The following EXTL3 variants were observed in gnomAD, a reference collection of about 807,000 sequenced individuals.
The protein encoded by EXTL3 is exostosin like glycosyltransferase 3, also known as exostosin-like 3.
Under a neutral mutation model 69.3 loss-of-function variants are expected in EXTL3, and 27 were observed. The ratio of observed to expected loss-of-function variants is 0.39; its 90% CI spans 0.29 to 0.54. The LOEUF is 0.54. Among genes scored for constraint, EXTL3 ranks in the 20% least tolerant of loss-of-function variants. The pLI is 0.69. For missense variants in EXTL3, 1,003 were observed against 1,231.8 expected (o/e 0.81, Z 2.78); for synonymous variants, 511 against 499.4 (o/e 1.02, Z -0.31).
intron 1 of EXTL3, among the ~76,000 whole-genome samples, chr8:28,668,442 C>T (rs1807233784): frequency 1.3e-5 from 2 of 150,592 alleles, no homozygotes; most frequent in African/African-American, 2.5e-5. Flanking sequence ...AGCAATTCTC[C>T]TGCCTCAGCC....
chr8:28,643,398 C>G (rs1026463934), intron 1 of EXTL3, among the ~76,000 whole-genome samples: 1 of 149,072 alleles, frequency 6.7e-6, no homozygotes, highest in Non-Finnish European at 1.5e-5. Flanking sequence ...ACCTATCATT[C>G]TCCTGCTTTC....
upstream of EXTL3, chr8:28,622,586 G>A (rs1298433519): frequency 1.4e-5 from 2 of 147,706 alleles, no homozygotes; most frequent in Non-Finnish European, 3.0e-5. Context: ...GCGGGGCCGG[G>A]AGCCGCCGAG....
chr8:28,735,222 G>A (rs1364858151), intron 4 of EXTL3, among the ~76,000 whole-genome samples: 1 of 152,184 alleles, frequency 6.6e-6, no homozygotes, highest in Non-Finnish European at 1.5e-5. Flanking sequence ...GGGCGGTAGG[G>A]AGTGTGTTTA....
chr8:28,733,630 C>T (rs189873897), intron 4 of EXTL3, among the ~76,000 whole-genome samples: 1 of 149,490 alleles, frequency 6.7e-6, no homozygotes, highest in Admixed American at 6.7e-5. Context: ...CTCCTGGCCT[C>T]GAGCAAGCCT....
chr8:28,679,610 C>G (rs1442091883), intron 1 of EXTL3, among the ~76,000 whole-genome samples: 1 of 151,916 alleles, frequency 6.6e-6, no homozygotes, highest in Non-Finnish European at 1.5e-5. Flanking sequence ...GTGAGGCACT[C>G]ATGTAGTCCC....
intron 1 of EXTL3, among the ~76,000 whole-genome samples, chr8:28,641,600 C>T (rs375871351): frequency 1.3e-5 from 2 of 151,962 alleles, no homozygotes; most frequent in African/African-American, 4.8e-5. Flanking sequence ...CCTCAGCCTC[C>T]GGAGTAGCTG....
At position 28,717,572 on chromosome 8, in the gene EXTL3, C is replaced by T. The variant is rs771639784; in HGVS notation, c.1513C>T (p.Leu505Phe). Reference sequence around the variant, plus strand: ...GCTCAGAAGCCTCTCCGATAGTGACCTCCTGGCTATGAGGCGGCAAGGCCG... The same window carrying T: ...GCTCAGAAGCCTCTCCGATAGTGACTTCCTGGCTATGAGGCGGCAAGGCCG... ...FLLRSLSDSD[L>F]LAMRRQGRFL... is the part of the protein sequence containing the mutation. Residue 505 changes from leucine (L) to phenylalanine (F), a missense_variant, in exon 3 of 7, where the codon CTC becomes TTC. By Grantham distance (22) the Leu-to-Phe change is conservative. This residue lies in a region of EXTL3 where 742 missense variants were observed against 815.4 expected (regional missense o/e 0.91). Transcript: ENST00000220562. The surrounding 1 kb of genome is among the most constrained non-coding windows in gnomAD (Gnocchi z 8.3). 8 of 1,614,144 alleles carry T rather than the reference C, an allele frequency of 5.0e-6. No individual in the cohort carries two copies. In the Admixed American group the frequency reaches 8.3e-5, roughly 17 times the overall value.
intron 1 of EXTL3, among the ~76,000 whole-genome samples, chr8:28,681,122 C>T (rs1157259385): frequency 6.6e-6 from 1 of 151,972 alleles, no homozygotes; most frequent in African/African-American, 2.4e-5. Flanking sequence ...GATCCGCCCA[C>T]CTCGGCCTCC....
chr8:28,667,479 G>C (rs1051704439), intron 1 of EXTL3, among the ~76,000 whole-genome samples: 3 of 152,186 alleles, frequency 2.0e-5, no homozygotes, highest in Non-Finnish European at 4.4e-5. Flanking sequence ...TGGCCAAGTG[G>C]CTACCCTCCT....
At chr8:28,709,548 T>C (rs1298846243) in intron 1 of EXTL3, among the ~76,000 whole-genome samples, 2 of 152,174 alleles carry the variant, frequency 1.3e-5, no homozygotes, top group Non-Finnish European at 2.9e-5. Context: ...AGTTTAACTT[T>C]TTTTCTTTCT....
intron 3 of EXTL3, among the ~76,000 whole-genome samples, chr8:28,722,940 A>G (rs902067761): frequency 8.6e-5 from 13 of 151,926 alleles, no homozygotes; most frequent in African/African-American, 3.1e-4. Context: ...CCAGTAGTCT[A>G]TTAGGGAAAA....
At chr8:28,637,375 T>C (rs1392598615) in intron 1 of EXTL3, 1 of 152,286 alleles carries the variant, frequency 6.6e-6, no homozygotes, top group African/African-American at 2.4e-5. Flanking sequence ...CCCGCTACTT[T>C]ATGGAGACAG....
At chr8:28,624,832 C>G (rs976920913) in intron 1 of EXTL3, among the ~76,000 whole-genome samples, 2 of 152,074 alleles carry the variant, frequency 1.3e-5, no homozygotes, top group African/African-American at 4.8e-5. Flanking sequence ...TCAGTAAACC[C>G]AAACCCTCAA....
intron 1 of EXTL3, among the ~76,000 whole-genome samples, chr8:28,695,369 C>T (rs1279976795): frequency 1.3e-5 from 2 of 152,088 alleles, no homozygotes; most frequent in African/African-American, 2.4e-5. Flanking sequence ...CCTTGTGATA[C>T]ACCCGCCTCG....
rs34831917 is a variant in EXTL3 at position 28,723,640 on chromosome 8, G to GTTTT, written c.2148+5449_2148+5452dup. Among the ~76,000 whole-genome samples, 124 of 120,896 alleles carry GTTTT rather than the reference G, an allele frequency of 1.0e-3. 2 individuals are homozygous for GTTTT. Among genetic ancestry groups the GTTTT allele is most frequent in the Non-Finnish European group, 1.6e-3 (95 of 58,580 alleles). The allele number at this position is 120,896 out of a possible 152,430, so 79.3% of individuals were successfully genotyped here. On this transcript the variant is annotated intron_variant, in intron 3 of 6. Coordinates refer to ENST00000220562, the MANE Select transcript of EXTL3 (RefSeq NM_001440.4). ...TGTATTAGAATGAGGGCTCAGGACT[G>GTTTT]TTTTTTTTTTTTTTTTTTTGAGACA... is the stretch of plus-strand genomic sequence containing the variant.
intron 1 of EXTL3, among the ~76,000 whole-genome samples, chr8:28,670,546 G>A (rs148359278): frequency 2.6e-5 from 4 of 152,326 alleles, no homozygotes; most frequent in Admixed American, 6.5e-5. Context: ...GTGCAAGTCT[G>A]AAGGAAGAGG....
chr8:28,665,663 C>T (rs1807186145), intron 1 of EXTL3, among the ~76,000 whole-genome samples: 1 of 152,132 alleles, frequency 6.6e-6, no homozygotes, highest in Non-Finnish European at 1.5e-5. Context: ...CCATCTCAAC[C>T]TCCCAAAGTG....
rs1219830248 is a variant in EXTL3 at position 28,731,331 on chromosome 8, G to A, written c.2257G>A (p.Glu753Lys). 6.2e-7 allele frequency: 1 copy of A among 1,614,222 alleles called. No homozygotes were observed. Among genetic ancestry groups the A allele is most frequent in the Admixed American group, 1.7e-5 (1 of 60,036 alleles). Residue 753 changes from glutamate to lysine, a missense_variant, in exon 4 of 7, where the codon GAA (glutamate) becomes AAA (lysine). Glu to Lys is a moderately conservative substitution (Grantham distance 56). Coordinates refer to ENST00000220562, the MANE Select transcript of EXTL3 (RefSeq NM_001440.4). ...TGACGATGCTCACCTCCGCCATGACGAAATCATGTTTGGGTTCCGGTGAGA... is the reference window on the plus strand; with the variant it reads ...TGACGATGCTCACCTCCGCCATGACAAAATCATGTTTGGGTTCCGGTGAGA... ...IDDDAHLRHDEIMFGFRVWRE... is the reference protein window; with the variant it reads ...IDDDAHLRHDKIMFGFRVWRE...
At chr8:28,725,995 A>G (rs1273941667) in intron 3 of EXTL3, among the ~76,000 whole-genome samples, 6 of 143,214 alleles carry the variant, frequency 4.2e-5, no homozygotes, top group African/African-American at 7.8e-5. Flanking sequence ...TCGCTCTCTC[A>G]CCCAGGCTGT....
Sources: gnomAD v4.1 joint callset for allele counts (sites outside exome capture counted in the v4.1 genomes callset) on GRCh38, gnomAD v4.1.1 for gene constraint, gnomAD v4.1.1 regional missense constraint, Gnocchi (gnomAD v3.1) non-coding constraint, MANE v1.5 for transcripts, NCBI Gene and HGNC (gene_info 2026-07-23, HGNC 2026-07-21) for gene names.